The following CDH4 variants were observed in gnomAD, a reference collection of about 807,000 sequenced individuals.
The protein encoded by CDH4 is cadherin 4.
CDH4 carries 33 observed loss-of-function variants against 86.0 expected under a neutral mutation model. That is an observed-to-expected ratio of 0.38 (90% confidence interval 0.29 to 0.51). The LOEUF (loss-of-function observed/expected upper bound fraction) is 0.51, where lower values mean the gene tolerates loss of function less well. Among genes scored for constraint, CDH4 ranks in the 20% least tolerant of loss-of-function variants. CDH4 has a pLI of 0.86. For synonymous variants in CDH4, 555 were observed against 549.4 expected, an observed-to-expected ratio of 1.01 and a Z score of -0.14; for missense variants, 1,114 against 1,307.4, an observed-to-expected ratio of 0.85 and a Z score of 2.28.
At chr20:61,479,469 G>C (rs1355886658) in intron 2 of CDH4, among the ~76,000 whole-genome samples, 1 of 150,774 alleles carries the variant, frequency 6.6e-6, no homozygotes, top group Non-Finnish European at 1.5e-5. Context: ...TTTTGTCCTT[G>C]CGATAGTTTG....
chr20:61,803,199 G>GA (rs1979930547), intron 4 of CDH4, among the ~76,000 whole-genome samples: 1 of 138,078 alleles, frequency 7.2e-6, no homozygotes, highest in African/African-American at 2.8e-5. Flanking sequence ...ACGGGCTGAG[G>GA]TCTTCCTCTG....
intron 6 of CDH4, among the ~76,000 whole-genome samples, chr20:61,869,458 C>A (rs1983700551): frequency 6.6e-6 from 1 of 152,342 alleles, no homozygotes; most frequent in Middle Eastern, 3.4e-3. Context: ...GTCTGCTGGA[C>A]CCTGGAGGAG....
chr20:61,908,394 G>A (rs1182119653), intron 8 of CDH4, among the ~76,000 whole-genome samples: 1 of 152,196 alleles, frequency 6.6e-6, no homozygotes, highest in Non-Finnish European at 1.5e-5. Flanking sequence ...TTCACCTGAT[G>A]TCTTTGTCCA....
At chr20:61,782,414 A>T (rs1978594950) in intron 4 of CDH4, among the ~76,000 whole-genome samples, 1 of 152,216 alleles carries the variant, frequency 6.6e-6, no homozygotes, top group Non-Finnish European at 1.5e-5. Flanking sequence ...GATGTTCCTC[A>T]GGCCAGAAAC....
At chr20:61,407,774 G>A (rs1213668315) in intron 2 of CDH4, among the ~76,000 whole-genome samples, 1 of 152,122 alleles carries the variant, frequency 6.6e-6, no homozygotes, top group African/African-American at 2.4e-5. Context: ...AACACAGCAC[G>A]GTGATGAGTA....
chr20:61,841,769 G>A (rs751087188), intron 4 of CDH4, among the ~76,000 whole-genome samples: 4 of 149,882 alleles, frequency 2.7e-5, no homozygotes, highest in South Asian at 4.3e-4. Flanking sequence ...GTGTGTGTGC[G>A]CGCGTGCGCG....
intron 9 of CDH4, among the ~76,000 whole-genome samples, chr20:61,920,908 C>T (rs1168052941): frequency 6.9e-6 from 1 of 144,124 alleles, no homozygotes; most frequent in African/African-American, 2.6e-5. Flanking sequence ...TGCATGGAAG[C>T]GTGGTGTCGT....
chr20:61,257,250 A>C (rs1171193467), intron 2 of CDH4, among the ~76,000 whole-genome samples: 1 of 152,222 alleles, frequency 6.6e-6, no homozygotes, highest in African/African-American at 2.4e-5. Flanking sequence ...AGCTCACAGC[A>C]GCCCCAAACA....
At position 61,283,541 on chromosome 20, in the gene CDH4, G is replaced by A. The variant is rs551986561; in HGVS notation, c.169+28604G>A. Among the ~76,000 whole-genome samples, 368 of 137,132 alleles carry A rather than the reference G, an allele frequency of 2.7e-3. 33 individuals are homozygous for A. Among genetic ancestry groups the A allele is most frequent in the Non-Finnish European group, 5.0e-3 (312 of 62,426 alleles). 90.0% of individuals were successfully genotyped at this position (137,132 alleles called of 152,430 possible). A position where few individuals can be genotyped will look rare whatever the true frequency, so the allele number is the denominator to read the frequency against. On this transcript the variant is annotated intron_variant, in intron 2 of 15. Coordinates refer to ENST00000614565, the MANE Select transcript of CDH4 (RefSeq NM_001794.5). ...GTGTGTGATGTAGGTGCATTTACAC[G>A]CGTGTGCTGTGGTGTGTGATGTAGG...
In CDH4 at chr20:61,937,121, C is replaced by T; in HGVS notation, c.*178C>T. 2.2e-6 allele frequency: 1 copy of T among 448,102 alleles called. No homozygotes were observed. The highest frequency in any genetic ancestry group is 3.8e-6 in the Non-Finnish European group (1 of 260,934). The allele number at this position is 448,102 out of a possible 1,614,324, so 27.8% of individuals were successfully genotyped here. A position where few individuals can be genotyped will look rare whatever the true frequency, so the allele number is the denominator to read the frequency against. On this transcript the variant is annotated 3_prime_UTR_variant, in exon 16 of 16. Transcript: ENST00000614565. ...GAGCACCCACCCCCACAGCGCCCTG[C>T]ACCCGGCCGCTGCCCAGCACCGCGC...
At chr20:61,410,859 G>A (rs893230246) in intron 2 of CDH4, among the ~76,000 whole-genome samples, 27 of 141,464 alleles carry the variant, frequency 1.9e-4, no homozygotes, top group African/African-American at 5.6e-4. Context: ...CCGTCCGTCC[G>A]TCCATCTATC....
chr20:61,805,534 C>T (rs1468350141), intron 4 of CDH4, among the ~76,000 whole-genome samples: 2 of 152,242 alleles, frequency 1.3e-5, no homozygotes, highest in Non-Finnish European at 2.9e-5. Flanking sequence ...CACTCGCCCT[C>T]CTGCGAGGAA....
At chr20:61,634,644 C>CTT (rs1568725207) in intron 2 of CDH4, among the ~76,000 whole-genome samples, 1 of 152,206 alleles carries the variant, frequency 6.6e-6, no homozygotes, top group Non-Finnish European at 1.5e-5. Context: ...TTGCTGGGAG[C>CTT]TTTTTTCCCA....
chr20:61,481,051 A>G (rs1223576116), intron 2 of CDH4, among the ~76,000 whole-genome samples: 1 of 152,136 alleles, frequency 6.6e-6, no homozygotes, highest in East Asian at 1.9e-4. Flanking sequence ...CCGGTTAAGA[A>G]CTTTGCCAAA....
intron 2 of CDH4, among the ~76,000 whole-genome samples, chr20:61,312,158 TGTG>T: frequency 6.8e-6 from 1 of 147,438 alleles, no homozygotes; most frequent in East Asian, 2.0e-4. Context: ...ATGTGTGTGT[TGTG>T]TATGCGTGTG....
intron 2 of CDH4, among the ~76,000 whole-genome samples, chr20:61,467,818 T>G (rs938978337): frequency 6.6e-6 from 1 of 152,148 alleles, no homozygotes; most frequent in Non-Finnish European, 1.5e-5. Flanking sequence ...GTTCACAGAT[T>G]CCCCAAACCA....
rs377679413 is a variant in CDH4 at position 61,924,480 on chromosome 20, C to G, written c.1771+4C>G. The G allele has an allele frequency of 6.2e-7, 1 of 1,611,446 alleles. No individual in the cohort carries two copies. Among genetic ancestry groups the G allele is most frequent in the Non-Finnish European group, 8.5e-7 (1 of 1,178,990 alleles). ...ACCTTCCTGGCAGCTGACAATGGTGCGGCCCACCCCAGGGAGGCAGCCGTC... is the reference window on the plus strand; with the variant it reads ...ACCTTCCTGGCAGCTGACAATGGTGGGGCCCACCCCAGGGAGGCAGCCGTC... On this transcript the variant is annotated splice_donor_region_variant and intron_variant, in intron 11 of 15. Transcript: ENST00000614565.
intron 2 of CDH4, among the ~76,000 whole-genome samples, chr20:61,614,105 G>GC (rs1276120933): frequency 1.3e-5 from 2 of 152,076 alleles, no homozygotes; most frequent in Non-Finnish European, 2.9e-5. Flanking sequence ...GGCTCCCAGA[G>GC]CCTGGGATTT....
At chr20:61,887,292 C>A (rs957658062) in intron 7 of CDH4, among the ~76,000 whole-genome samples, 1 of 152,218 alleles carries the variant, frequency 6.6e-6, no homozygotes, top group East Asian at 1.9e-4. Context: ...GTTCTTCCTT[C>A]CTGCGGGTCT....
Sources: allele counts gnomAD v4.1 joint callset (sites outside exome capture counted in the v4.1 genomes callset), GRCh38; gene constraint gnomAD v4.1.1; transcripts MANE v1.5; gene names NCBI Gene and HGNC (gene_info 2026-07-23, HGNC 2026-07-21).